Variants in PDZD2 observed in about 807,000 individuals in gnomAD.
The protein encoded by PDZD2 is PDZ domain containing 2.
In PDZD2, 90 loss-of-function variants were observed where a neutral mutation model predicts 220.7. That is an observed-to-expected ratio of 0.41 (90% CI 0.34 to 0.49). The LOEUF is 0.49. Ranked by LOEUF, PDZD2 falls within the 20% of genes least tolerant of loss-of-function variation. The pLI is 0.28. For synonymous variants in PDZD2, 1,375 were observed against 1,450.5 expected, an observed-to-expected ratio of 0.95 and a Z score of 1.18; for missense variants, 3,174 against 3,608.5, an observed-to-expected ratio of 0.88 and a Z score of 3.08.
intron 1 of PDZD2, among the ~76,000 whole-genome samples, chr5:31,721,716 TAAAAAAAATGAGGCTTAGCTGTCTCAAA>T (rs1194704203): frequency 5.6e-5 from 8 of 142,580 alleles, no homozygotes; most frequent in Non-Finnish European, 1.2e-4. Context: ...CTTAGATTCT[TAAAAAAAATGAGGCTTAGCTGTCTCAAA>T]AAAAAAAATG....
chr5:32,024,694 G>A (rs1978458), intron 6 of PDZD2, among the ~76,000 whole-genome samples: 70,610 of 138,154 alleles, frequency 0.51, 19,493 homozygotes, highest in Non-Finnish European at 0.61. Context: ...AAAAAAAAAA[G>A]AAAGAAAAAA....
At chr5:32,082,605 TA>T (rs2112443248) in intron 19 of PDZD2, among the ~76,000 whole-genome samples, 1 of 152,302 alleles carries the variant, frequency 6.6e-6, no homozygotes, top group South Asian at 2.1e-4. Context: ...ATCTGGTACC[TA>T]ATATGTTGAA....
chr5:32,094,697 C>CA (rs36064147), intron 21 of PDZD2, among the ~76,000 whole-genome samples: 367 of 112,426 alleles, frequency 3.3e-3, no homozygotes, highest in African/African-American at 4.5e-3. Context: ...CCTCATCTCT[C>CA]AAAAAAAAAA....
intron 1 of PDZD2, among the ~76,000 whole-genome samples, chr5:31,748,815 C>T (rs967209037): frequency 2.0e-5 from 3 of 152,224 alleles, no homozygotes; most frequent in African/African-American, 7.2e-5. Flanking sequence ...GTGAGGTTAT[C>T]TTCACATTGC....
chr5:31,694,769 C>A (rs1747303129), intron 1 of PDZD2, among the ~76,000 whole-genome samples: 1 of 131,404 alleles, frequency 7.6e-6, no homozygotes, highest in Non-Finnish European at 1.7e-5. Context: ...TATGTTACAT[C>A]CTGGATTTTA....
rs775664005 is a variant in PDZD2 at position 31,652,134 on chromosome 5, GT to G, written c.-361+12706del. ...GCATGAGCCACTGCGTCTGGCCTGG[GT>G]TTTTTTTTGTTTTTTGTTTGTTTGT... is the stretch of plus-strand genomic sequence containing the variant. On this transcript the variant is annotated intron_variant, in intron 1 of 24. Coordinates refer to ENST00000438447, the MANE Select transcript of PDZD2 (RefSeq NM_178140.4). Among the ~76,000 whole-genome samples the G allele has an allele frequency of 2.2e-3, 241 of 111,888 alleles. 8 individuals are homozygous for G. In the South Asian group the frequency reaches 0.08, roughly 37 times the overall value. 73.4% of individuals were successfully genotyped at this position (111,888 alleles called of 152,430 possible).
At chr5:32,068,628 T>C (rs1259344778) in intron 14 of PDZD2, among the ~76,000 whole-genome samples, 2 of 152,240 alleles carry the variant, frequency 1.3e-5, no homozygotes, top group African/African-American at 4.8e-5. Context: ...AGAAAAGTAC[T>C]GTCAGTATGC....
At chr5:31,824,611 G>A (rs768912577) in intron 2 of PDZD2, among the ~76,000 whole-genome samples, 8 of 151,728 alleles carry the variant, frequency 5.3e-5, no homozygotes, top group Non-Finnish European at 1.0e-4. Flanking sequence ...TGATGACTGG[G>A]TGTTCACGGC....
chr5:31,842,932 A>G (rs1298361261), intron 2 of PDZD2, among the ~76,000 whole-genome samples: 2 of 151,616 alleles, frequency 1.3e-5, no homozygotes, highest in East Asian at 3.9e-4. Context: ...CCCAGGCTGG[A>G]GTGCAATGGT....
In PDZD2 at chr5:31,720,867, T is replaced by C. The variant is rs77106887; in HGVS notation, c.-360-78022T>C. On this transcript the variant is annotated intron_variant, in intron 1 of 24. Transcript: ENST00000438447. Reference sequence around the variant, plus strand: ...TTTTACACAAAGGTTGGGGAGAAGGTGGGAGTTAGGGTAATATTTTTAGGT... The same window carrying C: ...TTTTACACAAAGGTTGGGGAGAAGGCGGGAGTTAGGGTAATATTTTTAGGT... Among the ~76,000 whole-genome samples, 925 of 152,050 alleles carry C rather than the reference T, an allele frequency of 6.1e-3. 17 individuals are homozygous for C. The highest frequency in any genetic ancestry group is 0.021 in the African/African-American group (884 of 41,466).
intron 2 of PDZD2, among the ~76,000 whole-genome samples, chr5:31,974,372 T>A (rs1258900317): frequency 6.6e-6 from 1 of 151,970 alleles, no homozygotes; most frequent in Admixed American, 6.6e-5. Context: ...AAAAAAAAAA[T>A]TATTTTCAAT....
At chr5:31,642,003 C>G (rs1230542359) in intron 1 of PDZD2, among the ~76,000 whole-genome samples, 1 of 152,106 alleles carries the variant, frequency 6.6e-6, no homozygotes, top group African/African-American at 2.4e-5. Context: ...GAAACCCTCT[C>G]CCAGAGGCTC....
At position 31,983,504 on chromosome 5, in the gene PDZD2, G is replaced by T. The variant is rs756306625; in HGVS notation, c.826G>T (p.Val276Leu). The T allele has an allele frequency of 1.1e-5, 17 of 1,614,216 alleles. No individual in the cohort carries two copies. The highest frequency in any genetic ancestry group is 1.4e-5 in the Non-Finnish European group (16 of 1,180,052). Residue 276 changes from valine to leucine, a missense_variant, in exon 3 of 25, where the codon GTG (valine) becomes TTG (leucine). By Grantham distance (32) the Val-to-Leu change is conservative. This residue lies in a region of PDZD2 where 632 missense variants were observed against 708.1 expected (regional missense o/e 0.89). Transcript: ENST00000438447. The stretch of plus-strand genomic sequence containing the variant: ...AAATGGCCCAGATTCTCTCAAGGAG[G>T]TGGCTGGACCCCATCTAGAGAGGTC... Reference protein sequence around the residue: ...LENGPDSLKEVAGPHLERSEV... With the variant: ...LENGPDSLKELAGPHLERSEV...
intron 1 of PDZD2, among the ~76,000 whole-genome samples, chr5:31,701,138 A>T (rs991194424): frequency 2.0e-5 from 3 of 152,166 alleles, no homozygotes; most frequent in African/African-American, 7.2e-5. Flanking sequence ...TCCTCCATGA[A>T]TATTTGTTCC....
At chr5:31,826,667 C>T (rs1015737777) in intron 2 of PDZD2, among the ~76,000 whole-genome samples, 3 of 149,266 alleles carry the variant, frequency 2.0e-5, no homozygotes, top group East Asian at 1.9e-4. Flanking sequence ...CAGAACAAGA[C>T]TCTGTCTCAA....
intron 1 of PDZD2, among the ~76,000 whole-genome samples, chr5:31,671,779 C>T (rs1746226011): frequency 6.6e-6 from 1 of 152,224 alleles, no homozygotes; most frequent in Admixed American, 6.5e-5. Flanking sequence ...GCTCGTTCAA[C>T]ACCGATTCCT....
At chr5:31,850,135 T>C (rs1219181874) in intron 2 of PDZD2, among the ~76,000 whole-genome samples, 1 of 136,864 alleles carries the variant, frequency 7.3e-6, no homozygotes, top group African/African-American at 2.7e-5. Flanking sequence ...TATGTGTGTG[T>C]ATATATATAA....
chr5:32,041,278 C>T (rs537334057), intron 7 of PDZD2, among the ~76,000 whole-genome samples: 43 of 150,478 alleles, frequency 2.9e-4, no homozygotes, highest in South Asian at 1.5e-3. Flanking sequence ...CTGGCCGCCC[C>T]GTCTGGGAAG....
chr5:31,663,104 C>CCT (rs1411284046), intron 1 of PDZD2, among the ~76,000 whole-genome samples: 1 of 152,214 alleles, frequency 6.6e-6, no homozygotes, highest in East Asian at 1.9e-4. Flanking sequence ...ATGCCTTGGA[C>CCT]CTCACTTTCT....
Sources: gnomAD v4.1 joint callset for allele counts (sites outside exome capture counted in the v4.1 genomes callset) on GRCh38, gnomAD v4.1.1 for gene constraint, gnomAD v4.1.1 regional missense constraint, MANE v1.5 for transcripts, NCBI Gene and HGNC (gene_info 2026-07-23, HGNC 2026-07-21) for gene names.